Variants in ROBO1 observed in about 807,000 individuals in gnomAD.
ROBO1 encodes roundabout homolog 1.
Under a neutral mutation model 195.9 loss-of-function variants are expected in ROBO1, and 149 were observed. That is an observed-to-expected ratio of 0.76 (90% CI 0.67 to 0.87). The LOEUF is 0.87. Among genes scored for constraint, ROBO1 ranks in the 40% least tolerant of loss-of-function variants. The probability of loss-of-function intolerance (pLI) is 0.00; values close to 1 mark genes in which losing one functional copy is unlikely to be tolerated. For synonymous variants in ROBO1, 816 were observed against 733.2 expected, an observed-to-expected ratio of 1.11 and a Z score of -1.82; for missense variants, 1,933 against 2,068.3, an observed-to-expected ratio of 0.93 and a Z score of 1.27.
intron 10 of ROBO1, among the ~76,000 whole-genome samples, chr3:78,683,143 C>T (rs2080970071): frequency 6.6e-6 from 1 of 151,780 alleles, no homozygotes; most frequent in African/African-American, 2.4e-5. Context: ...CACACACACA[C>T]ACACCGTCAC....
At chr3:79,687,621 G>A (rs529957328) in intron 1 of ROBO1, among the ~76,000 whole-genome samples, 81 of 152,132 alleles carry the variant, frequency 5.3e-4, no homozygotes, top group Non-Finnish European at 9.7e-4. Context: ...ATGAAAAAAT[G>A]CTCATCATCA....
At chr3:79,256,751 G>A in intron 2 of ROBO1, among the ~76,000 whole-genome samples, 1 of 152,110 alleles carries the variant, frequency 6.6e-6, no homozygotes, top group East Asian at 1.9e-4. Context: ...ACCTACTGAT[G>A]AAGGTAAGGT....
At chr3:79,447,468 C>A (rs780788788) in intron 2 of ROBO1, among the ~76,000 whole-genome samples, 12 of 152,028 alleles carry the variant, frequency 7.9e-5, no homozygotes, top group African/African-American at 2.9e-4. Flanking sequence ...CAAGTGGTAT[C>A]GAAAAAAGGA....
At chr3:78,734,211 T>C (rs561828972) in intron 5 of ROBO1, among the ~76,000 whole-genome samples, 6 of 152,242 alleles carry the variant, frequency 3.9e-5, no homozygotes, top group Admixed American at 2.0e-4. Context: ...GAAGGCAGCA[T>C]AGGCATACTT....
At chr3:78,711,444 C>T (rs9814181) in intron 8 of ROBO1, among the ~76,000 whole-genome samples, 11,022 of 58,602 alleles carry the variant, frequency 0.19, 1,626 homozygotes, top group East Asian at 0.28. Context: ...TCTTTCTTTC[C>T]TTCCTTCCTT....
intron 2 of ROBO1, among the ~76,000 whole-genome samples, chr3:79,352,741 T>G (rs2035391780): frequency 6.6e-6 from 1 of 152,158 alleles, no homozygotes; most frequent in African/African-American, 2.4e-5. Context: ...TTTAAGAAGT[T>G]ATATAGAAGG....
Position 78,999,619 on chromosome 3 carries a change from T to A in ROBO1, c.173-60692A>T, listed in dbSNP as rs534672053. ...TATGCTAAGTACCTGGCTGACTAGA[T>A]CATTCTTACTCCAAACCTCTGCATC... On this transcript the variant is annotated intron_variant, in intron 3 of 30. Coordinates refer to ENST00000464233, the MANE Select transcript of ROBO1 (RefSeq NM_002941.4). Among the ~76,000 whole-genome samples the A allele has an allele frequency of 7.2e-5, 11 of 152,254 alleles. No homozygotes were observed. The South Asian group carries it at 2.3e-3, about 32-fold the overall frequency.
chr3:78,797,646 A>G (rs2084225238), intron 4 of ROBO1, among the ~76,000 whole-genome samples: 1 of 152,156 alleles, frequency 6.6e-6, no homozygotes, highest in Non-Finnish European at 1.5e-5. Flanking sequence ...TTTTTCTTGT[A>G]TGTGTCGGGG....
intron 2 of ROBO1, among the ~76,000 whole-genome samples, chr3:79,584,501 A>G (rs1943758476): frequency 6.6e-6 from 1 of 151,540 alleles, no homozygotes; most frequent in Non-Finnish European, 1.5e-5. Flanking sequence ...TACTAAATCA[A>G]TGAGCAGAGT....
chr3:79,217,326 C>T (rs1460787937), intron 2 of ROBO1, among the ~76,000 whole-genome samples: 3 of 151,958 alleles, frequency 2.0e-5, no homozygotes, highest in African/African-American at 7.2e-5. Context: ...CAGGATTAGA[C>T]TTTGGTTTCA....
At chr3:78,673,906 T>C (rs1708246173) in intron 10 of ROBO1, among the ~76,000 whole-genome samples, 1 of 151,838 alleles carries the variant, frequency 6.6e-6, no homozygotes, top group South Asian at 2.1e-4. Context: ...CTGCAAATAT[T>C]GTATCTTGGA....
chr3:78,908,581 C>T (rs891370791), intron 4 of ROBO1, among the ~76,000 whole-genome samples: 9 of 151,856 alleles, frequency 5.9e-5, no homozygotes, highest in African/African-American at 1.9e-4. Flanking sequence ...ACTTTCTGTG[C>T]TCATTAGAAT....
chr3:79,562,145 A>C (rs1942942293), intron 2 of ROBO1, among the ~76,000 whole-genome samples: 1 of 152,136 alleles, frequency 6.6e-6, no homozygotes, highest in Non-Finnish European at 1.5e-5. Context: ...CAAAGTTCAG[A>C]GTTCAAAATG....
rs181844800 is a variant in ROBO1, at chr3:79,621,559, G to A, written c.-50-31598C>T. ...AAGGAAAACCTATCAGATTAACAGC[G>A]GACTTCTGAGTAGAAACCTTATAAG... On this transcript the variant is annotated intron_variant, in intron 1 of 30. Transcript: ENST00000464233. 2.3e-3 allele frequency among the ~76,000 whole-genome samples: 353 copies of A among 152,212 alleles called. 1 individual carries two copies. Among genetic ancestry groups the A allele is most frequent in the African/African-American group, 7.8e-3 (325 of 41,532 alleles).
intron 3 of ROBO1, chr3:79,018,921 C>T: frequency 3.0e-6 from 3 of 987,880 alleles, no homozygotes; most frequent in Non-Finnish European, 3.6e-6. Context: ...CTCCGTCTCC[C>T]GGCGAGCCCA....
chr3:78,726,799 A>G (rs896019363), intron 5 of ROBO1, among the ~76,000 whole-genome samples: 1 of 152,180 alleles, frequency 6.6e-6, no homozygotes, highest in East Asian at 1.9e-4. Context: ...ACAGTTTTAG[A>G]TGATCCCTAA....
At chr3:78,800,468 T>G (rs2084331543) in intron 4 of ROBO1, among the ~76,000 whole-genome samples, 1 of 152,198 alleles carries the variant, frequency 6.6e-6, no homozygotes, top group Non-Finnish European at 1.5e-5. Context: ...ACTGTCAGAA[T>G]AGGATGACTT....
At chr3:78,821,538 GA>G (rs2030947433) in intron 4 of ROBO1, among the ~76,000 whole-genome samples, 1 of 151,956 alleles carries the variant, frequency 6.6e-6, no homozygotes, top group Non-Finnish European at 1.5e-5. Context: ...TATCCTTAGC[GA>G]TTCATTTTTC....
chr3:79,414,949 G>C (rs1176495263), intron 2 of ROBO1, among the ~76,000 whole-genome samples: 3 of 152,150 alleles, frequency 2.0e-5, no homozygotes, highest in Non-Finnish European at 4.4e-5. Context: ...CAGGCAAACT[G>C]CATGTCTGCA....
Sources: gnomAD v4.1 joint callset for allele counts (sites outside exome capture counted in the v4.1 genomes callset) on GRCh38, gnomAD v4.1.1 for gene constraint, MANE v1.5 for transcripts, NCBI Gene and HGNC (gene_info 2026-07-23, HGNC 2026-07-21) for gene names.